The following GALNTL6 variants were observed in gnomAD, a reference collection of about 807,000 sequenced individuals.
GALNTL6 encodes the protein polypeptide N-acetylgalactosaminyltransferase like 6.
In GALNTL6, 46 loss-of-function variants were observed where a neutral mutation model predicts 73.7. The observed-to-expected ratio is 0.62, with a 90% confidence interval of 0.49 to 0.80. The LOEUF is 0.80. Among genes scored for constraint, GALNTL6 ranks in the 30% least tolerant of loss-of-function variants. GALNTL6 has a pLI of 0.00. For missense variants in GALNTL6, 604 were observed against 755.0 expected, an observed-to-expected ratio of 0.80 and a Z score of 2.34; for synonymous variants, 259 against 263.7, an observed-to-expected ratio of 0.98 and a Z score of 0.17.
intron 7 of GALNTL6, among the ~76,000 whole-genome samples, chr4:172,859,641 CAG>C (rs1744292785): frequency 1.3e-5 from 2 of 152,066 alleles, no homozygotes; most frequent in East Asian, 1.9e-4. Context: ...AAAAAATTAA[CAG>C]GGGTAGAATA....
chr4:172,304,669 A>G (rs960986534), intron 3 of GALNTL6, among the ~76,000 whole-genome samples: 1 of 152,188 alleles, frequency 6.6e-6, no homozygotes, highest in Non-Finnish European at 1.5e-5. Flanking sequence ...AAGTGTCACT[A>G]GCAGGGTTTT....
At chr4:172,003,753 T>G (rs1740748095) in intron 2 of GALNTL6, among the ~76,000 whole-genome samples, 1 of 152,142 alleles carries the variant, frequency 6.6e-6, no homozygotes, top group African/African-American at 2.4e-5. Flanking sequence ...TGCCTTCAGC[T>G]GTCTTTTCAT....
intron 9 of GALNTL6, among the ~76,000 whole-genome samples, chr4:172,949,589 G>T (rs1459152): frequency 1.9e-4 from 28 of 150,630 alleles, no homozygotes; most frequent in African/African-American, 6.5e-4. Context: ...TTATCAACTA[G>T]TTTTTTTTTA....
rs149274772 is a variant in GALNTL6 at position 172,827,850 on chromosome 4, C to T, written c.923+14127C>T. On this transcript the variant is annotated intron_variant, in intron 7 of 12. Transcript: ENST00000506823. ...TCAATAATACTTTCTTTCAAAAATA[C>T]TATCTCACTATACAAGTTTTTTTTC... Among the ~76,000 whole-genome samples the T allele has an allele frequency of 1.2e-3, 186 of 151,488 alleles. 1 individual carries two copies. The highest frequency in any genetic ancestry group is 3.8e-3 in the African/African-American group (159 of 41,444).
Position 172,816,981 on chromosome 4 carries a change from C to T in GALNTL6, c.923+3258C>T, listed in dbSNP as rs117583006. ...AATTAGCCGGGCATGGTGGTGGGTG[C>T]CTGTAGTCCCAAGCTACTTAGGAGG... On this transcript the variant is annotated intron_variant, in intron 7 of 12. Coordinates refer to ENST00000506823, the MANE Select transcript of GALNTL6 (RefSeq NM_001034845.3). 1.6e-3 allele frequency among the ~76,000 whole-genome samples: 248 copies of T among 151,880 alleles called. 9 individuals are homozygous for T. In the East Asian group the frequency reaches 0.041, roughly 25 times the overall value.
intron 2 of GALNTL6, among the ~76,000 whole-genome samples, chr4:171,933,538 A>G (rs999746442): frequency 2.6e-5 from 4 of 152,164 alleles, no homozygotes; most frequent in Non-Finnish European, 5.9e-5. Context: ...TTCAACAAAT[A>G]TTAACTTTAG....
intron 2 of GALNTL6, among the ~76,000 whole-genome samples, chr4:172,190,379 T>C (rs1488690290): frequency 2.6e-5 from 4 of 152,190 alleles, no homozygotes; most frequent in Non-Finnish European, 5.9e-5. Context: ...TGAAACTCCA[T>C]CTACTTGGGT....
intron 7 of GALNTL6, among the ~76,000 whole-genome samples, chr4:172,823,106 AGTTC>A (rs2111028897): frequency 6.6e-6 from 1 of 152,274 alleles, no homozygotes; most frequent in East Asian, 1.9e-4. Flanking sequence ...CAGCACCTGA[AGTTC>A]AGCAATATTG....
At chr4:172,341,781 T>A (rs1314068024) in intron 4 of GALNTL6, among the ~76,000 whole-genome samples, 1 of 152,204 alleles carries the variant, frequency 6.6e-6, no homozygotes, top group Non-Finnish European at 1.5e-5. Context: ...TACGGAACAG[T>A]AAGTCCAATT....
Position 172,022,016 on chromosome 4 carries a change from T to C in GALNTL6, c.138+207298T>C, listed in dbSNP as rs188824012. Among the ~76,000 whole-genome samples the C allele has an allele frequency of 7.9e-5, 12 of 152,026 alleles. No homozygotes were observed. In the East Asian group the frequency reaches 2.3e-3, roughly 29 times the overall value. ...AAATACTGAAGAAACTCCCAGGACA[T>C]TGGAGTGGGCAAGGCTTTCTTGAGT... is the stretch of plus-strand genomic sequence containing the variant. On this transcript the variant is annotated intron_variant, in intron 2 of 12. Transcript: ENST00000506823.
chr4:171,850,227 C>T (rs556271539), intron 2 of GALNTL6, among the ~76,000 whole-genome samples: 1 of 152,198 alleles, frequency 6.6e-6, no homozygotes, highest in African/African-American at 2.4e-5. Flanking sequence ...CCACCCCAGC[C>T]TCCCAAGGTG....
chr4:172,795,757 T>C (rs1036395231), intron 5 of GALNTL6, among the ~76,000 whole-genome samples: 1 of 152,072 alleles, frequency 6.6e-6, no homozygotes, highest in Non-Finnish European at 1.5e-5. Context: ...TTAATCTGCA[T>C]AGGCTCATAC....
At chr4:171,982,445 C>G (rs1322948369) in intron 2 of GALNTL6, among the ~76,000 whole-genome samples, 1 of 151,976 alleles carries the variant, frequency 6.6e-6, no homozygotes, top group East Asian at 1.9e-4. Context: ...CTACAGGCGC[C>G]CGCCACCACG....
intron 10 of GALNTL6, among the ~76,000 whole-genome samples, chr4:172,980,037 G>A (rs1750998395): frequency 1.3e-5 from 2 of 152,248 alleles, no homozygotes; most frequent in African/African-American, 4.8e-5. Context: ...ACACCTCATC[G>A]GTGTGAGATA....
chr4:172,788,561 A>ACC (rs1046822051), intron 5 of GALNTL6, among the ~76,000 whole-genome samples: 4 of 150,810 alleles, frequency 2.7e-5, no homozygotes, highest in Non-Finnish European at 4.4e-5. Context: ...AGTCCCAGCT[A>ACC]CTCGGGAGGC....
intron 5 of GALNTL6, among the ~76,000 whole-genome samples, chr4:172,718,517 G>T (rs1436548648): frequency 6.6e-6 from 1 of 151,792 alleles, no homozygotes; most frequent in Non-Finnish European, 1.5e-5. Context: ...GTGTGTCTGT[G>T]GTCCCAGCTA....
intron 2 of GALNTL6, among the ~76,000 whole-genome samples, chr4:172,103,083 C>G (rs1469789545): frequency 2.0e-5 from 3 of 152,104 alleles, no homozygotes; most frequent in African/African-American, 7.2e-5. Context: ...GTATGGTTGG[C>G]CAGGGGACAC....
intron 5 of GALNTL6, among the ~76,000 whole-genome samples, chr4:172,374,982 AT>A (rs1216279452): frequency 2.0e-5 from 3 of 152,138 alleles, no homozygotes; most frequent in Non-Finnish European, 4.4e-5. Context: ...GTTGGGCCAA[AT>A]TCCCCTCCCC....
intron 2 of GALNTL6, among the ~76,000 whole-genome samples, chr4:172,079,697 A>C (rs148928021): frequency 6.6e-6 from 1 of 151,840 alleles, no homozygotes; most frequent in African/African-American, 2.4e-5. Context: ...TGGCTTTTCT[A>C]CTCAAGTTCT....
Sources: allele counts gnomAD v4.1 joint callset (sites outside exome capture counted in the v4.1 genomes callset), GRCh38; gene constraint gnomAD v4.1.1; transcripts MANE v1.5; gene names NCBI Gene and HGNC (gene_info 2026-07-23, HGNC 2026-07-21).